Variants in SEC11A observed in about 807,000 individuals in gnomAD.
The protein encoded by SEC11A is SEC11 homolog A, signal peptidase complex subunit, also known as signal peptidase complex catalytic subunit SEC11A.
SEC11A carries 14 observed loss-of-function variants against 25.6 expected under a neutral mutation model. The observed-to-expected ratio is 0.55, with a 90% CI of 0.36 to 0.85. The LOEUF (loss-of-function observed/expected upper bound fraction) is 0.85. Among genes scored for constraint, SEC11A ranks in the 40% least tolerant of loss-of-function variants. The probability of loss-of-function intolerance (pLI) is 0.01; values close to 1 mark genes in which losing one functional copy is unlikely to be tolerated. For synonymous variants in SEC11A, 83 were observed against 76.4 expected (o/e 1.09, Z -0.45); for missense variants, 153 against 222.9 (o/e 0.69, Z 2.00).
rs527374782 is a variant in SEC11A, at chr15:84,688,217, G to A, written c.162-443C>T. On this transcript the variant is annotated intron_variant, in intron 2 of 5. Coordinates refer to ENST00000268220, the MANE Select transcript of SEC11A (RefSeq NM_014300.4). ...TGCCATTTATAAAGATAACAGCCAA[G>A]ATGACCTTATATGTTCAACTCATTT... is the stretch of plus-strand genomic sequence containing the variant. Among the ~76,000 whole-genome samples, 3 of 152,256 alleles carry A rather than the reference G, an allele frequency of 2.0e-5. No homozygotes were observed. In the South Asian group the frequency reaches 6.2e-4, roughly 32 times the overall value.
intron 1 of SEC11A, among the ~76,000 whole-genome samples, chr15:84,711,382 AAAAC>A (rs1055952095): frequency 2.0e-5 from 3 of 152,052 alleles, no homozygotes; most frequent in Admixed American, 6.6e-5. Context: ...ACCCTGTCTC[AAAAC>A]AAACAAACAA....
At chr15:84,712,106 T>C (rs1898291771) in intron 1 of SEC11A, among the ~76,000 whole-genome samples, 1 of 151,968 alleles carries the variant, frequency 6.6e-6, no homozygotes, top group African/African-American at 2.4e-5. Context: ...CCAGGCATGG[T>C]GGCACACATC....
intron 4 of SEC11A, among the ~76,000 whole-genome samples, chr15:84,676,609 C>A (rs909335359): frequency 6.6e-6 from 1 of 151,198 alleles, no homozygotes; most frequent in Non-Finnish European, 1.5e-5. Flanking sequence ...CCTGTTTCTA[C>A]TGAAAATACA....
chr15:84,699,727 C>A (rs1897872680), intron 1 of SEC11A, among the ~76,000 whole-genome samples: 2 of 150,014 alleles, frequency 1.3e-5, no homozygotes, highest in Admixed American at 1.3e-4. Context: ...GAGTTCAAGA[C>A]CTGCCTGGGC....
intron 4 of SEC11A, among the ~76,000 whole-genome samples, chr15:84,680,265 C>A (rs1016226027): frequency 4.0e-5 from 6 of 150,610 alleles, no homozygotes; most frequent in Non-Finnish European, 7.4e-5. Context: ...CGCGCTATTG[C>A]ACTCCAGCCT....
At chr15:84,679,316 C>G (rs1897224139) in intron 4 of SEC11A, 2 of 1,080,760 alleles carry the variant, frequency 1.9e-6, no homozygotes, top group Admixed American at 2.4e-5. Context: ...GTATTTTTAG[C>G]TCCATCAAAG....
chr15:84,694,493 C>G (rs1897701102), intron 1 of SEC11A, among the ~76,000 whole-genome samples: 1 of 152,110 alleles, frequency 6.6e-6, no homozygotes, highest in Non-Finnish European at 1.5e-5. Flanking sequence ...TTAATCAAAA[C>G]AGTATACACA....
In SEC11A at chr15:84,687,781, G is replaced by A. The variant is rs761903834; in HGVS notation, c.162-7C>T. 5.7e-6 allele frequency: 9 copies of A among 1,585,002 alleles called. No individual in the cohort carries two copies. Among genetic ancestry groups the A allele is most frequent in the South Asian group, 4.7e-5 (4 of 85,260 alleles). Reference sequence around the variant, plus strand: ...TGCAGGTTCCATGCTGCCACTGGAAGGGAAAGAAGAATATAACAGCAAAAA... The same window carrying A: ...TGCAGGTTCCATGCTGCCACTGGAAAGGAAAGAAGAATATAACAGCAAAAA... On this transcript the variant is annotated splice_polypyrimidine_tract_variant and splice_region_variant and intron_variant, in intron 2 of 5. Coordinates refer to ENST00000268220, the MANE Select transcript of SEC11A (RefSeq NM_014300.4).
intron 1 of SEC11A, chr15:84,692,026 T>TTA (rs1897624978): frequency 6.8e-6 from 1 of 146,348 alleles, no homozygotes; most frequent in East Asian, 2.0e-4. Context: ...TTCTTTTTCT[T>TTA]TTTTTTTTTT....
chr15:84,708,205 CAAAAAAAAAA>C (rs71132699), intron 1 of SEC11A, among the ~76,000 whole-genome samples: 13 of 35,404 alleles, frequency 3.7e-4, no homozygotes, highest in African/African-American at 9.5e-4. Context: ...GGCTCTGTCT[CAAAAAAAAAA>C]AAAAAAAAAA....
intron 1 of SEC11A, among the ~76,000 whole-genome samples, chr15:84,696,174 G>C (rs1897762897): frequency 6.6e-6 from 1 of 152,288 alleles, no homozygotes; most frequent in Middle Eastern, 3.4e-3. Context: ...CACATTTACA[G>C]GTAAGGAAAC....
chr15:84,685,965 G>C (rs555432951), intron 3 of SEC11A: 1 of 151,942 alleles, frequency 6.6e-6, no homozygotes, highest in Admixed American at 6.6e-5. Flanking sequence ...ACCACGCCTG[G>C]CTAATTTTTA....
intron 1 of SEC11A, among the ~76,000 whole-genome samples, chr15:84,709,411 T>A (rs1567044679): frequency 6.6e-6 from 1 of 152,096 alleles, no homozygotes; most frequent in Non-Finnish European, 1.5e-5. Flanking sequence ...ATTCTTATGT[T>A]AAGAACTCTG....
intron 3 of SEC11A, among the ~76,000 whole-genome samples, chr15:84,683,578 C>T (rs781197029): frequency 2.0e-4 from 30 of 150,548 alleles, no homozygotes; most frequent in Admixed American, 8.0e-4. Flanking sequence ...TTTTTTGAGA[C>T]GGAGTTTCGC....
chr15:84,712,447 T>A (rs933553458), intron 1 of SEC11A, among the ~76,000 whole-genome samples: 1 of 128,046 alleles, frequency 7.8e-6, no homozygotes, highest in Non-Finnish European at 1.6e-5. Flanking sequence ...TTTCTTTTTT[T>A]TCTTTTTTTT....
At chr15:84,683,763 G>A (rs1436168751) in intron 3 of SEC11A, among the ~76,000 whole-genome samples, 5 of 152,078 alleles carry the variant, frequency 3.3e-5, no homozygotes, top group Non-Finnish European at 7.4e-5. Flanking sequence ...GACCTCAGGT[G>A]ATCCGCCCTC....
rs867919739 is a variant in SEC11A, at chr15:84,672,608, G to A, written c.432-1826C>T. On this transcript the variant is annotated intron_variant, in intron 4 of 5. Coordinates refer to ENST00000268220, the MANE Select transcript of SEC11A (RefSeq NM_014300.4). ...GGCTGGAATGCAGTGGCATGATCTC[G>A]GCTCGCTACAACCACCTCCCAGCCG... The A allele has an allele frequency of 3.8e-5, 8 of 211,212 alleles. No homozygotes were observed. The East Asian group carries it at 4.9e-4, about 13-fold the overall frequency. The allele number at this position is 211,212 out of a possible 1,614,324, so 13.1% of individuals were successfully genotyped here. A position where few individuals can be genotyped will look rare whatever the true frequency, so the allele number is the denominator to read the frequency against.
intron 2 of SEC11A, among the ~76,000 whole-genome samples, chr15:84,689,761 C>T (rs778740322): frequency 1.3e-5 from 2 of 151,986 alleles, no homozygotes; most frequent in Non-Finnish European, 2.9e-5. Flanking sequence ...GCGCCTGCCA[C>T]CACGCCCAGC....
intron 4 of SEC11A, among the ~76,000 whole-genome samples, chr15:84,678,461 C>A (rs1897197980): frequency 6.6e-6 from 1 of 152,074 alleles, no homozygotes; most frequent in South Asian, 2.1e-4. Flanking sequence ...AAGCTGGAAA[C>A]AATCAGAATA....
Sources: gnomAD v4.1 joint callset for allele counts (sites outside exome capture counted in the v4.1 genomes callset) on GRCh38, gnomAD v4.1.1 for gene constraint, MANE v1.5 for transcripts, NCBI Gene and HGNC (gene_info 2026-07-23, HGNC 2026-07-21) for gene names.